Variants in KSR2 observed in about 807,000 individuals in gnomAD.
The protein encoded by KSR2 is kinase suppressor of ras 2.
A neutral mutation model predicts 107.8 loss-of-function variants in KSR2; 25 were observed. The observed-to-expected ratio is 0.23, with a 90% confidence interval of 0.17 to 0.32. KSR2 has a LOEUF of 0.32. Among genes scored for constraint, KSR2 ranks in the 10% least tolerant of loss-of-function variants. KSR2 has a pLI of 1.00. For synonymous variants in KSR2, 480 were observed against 507.0 expected (o/e 0.95, Z 0.71); for missense variants, 887 against 1,268.9 (o/e 0.70, Z 4.57).
intron 14 of KSR2, among the ~76,000 whole-genome samples, chr12:117,494,449 A>G (rs866690198): frequency 6.6e-6 from 1 of 152,178 alleles, no homozygotes. Context: ...TCTGATTTGC[A>G]TTTCTAACAA....
At chr12:117,942,648 C>T (rs990482931) in intron 1 of KSR2, among the ~76,000 whole-genome samples, 1 of 149,696 alleles carries the variant, frequency 6.7e-6, no homozygotes, top group Non-Finnish European at 1.5e-5. Context: ...GCCATCACAC[C>T]TGGCTAAATT....
intron 7 of KSR2, among the ~76,000 whole-genome samples, chr12:117,574,457 G>GC (rs930991785): frequency 6.6e-6 from 1 of 152,134 alleles, no homozygotes; most frequent in African/African-American, 2.4e-5. Context: ...GGCTGGGGAG[G>GC]CCTCATAATC....
intron 5 of KSR2, among the ~76,000 whole-genome samples, chr12:117,656,598 G>A (rs1565946853): frequency 6.6e-6 from 1 of 152,198 alleles, no homozygotes; most frequent in Non-Finnish European, 1.5e-5. Flanking sequence ...TGGGCAACAA[G>A]AGTGAAACTG....
intron 4 of KSR2, among the ~76,000 whole-genome samples, chr12:117,689,597 G>A (rs188747740): frequency 6.6e-6 from 1 of 152,052 alleles, no homozygotes; most frequent in East Asian, 1.9e-4. Context: ...TTGGCCCCGG[G>A]GGGCATGGGT....
Position 117,840,105 on chromosome 12 carries a change from AT to A in KSR2, c.472+15322del, listed in dbSNP as rs71099081. On this transcript the variant is annotated intron_variant, in intron 3 of 19. Coordinates refer to ENST00000339824, the MANE Select transcript of KSR2 (RefSeq NM_173598.6). ...ATTTTATTTTACTTTATTTTATTTT[AT>A]TTTTTTTTTTGAGATGGAGTCTCCC... 2.6e-3 allele frequency among the ~76,000 whole-genome samples: 383 copies of A among 147,076 alleles called. 9 individuals carry two copies. Among genetic ancestry groups the A allele is most frequent in the Non-Finnish European group, 1.1e-3 (76 of 66,702 alleles).
In KSR2 at chr12:117,466,945, G is replaced by T. The variant is rs539095159; in HGVS notation, c.*254C>A. 2 of 435,252 alleles carry T rather than the reference G, an allele frequency of 4.6e-6. No individual in the cohort carries two copies. Among genetic ancestry groups the T allele is most frequent in the Non-Finnish European group, 4.0e-6 (1 of 247,738 alleles). The allele number at this position is 435,252 out of a possible 1,614,324, so 27.0% of individuals were successfully genotyped here. ...TCTCATTAGTGCTGTCCCCTGGGCCGCACTGATCAATAACGCATCACCCTG... is the reference window on the plus strand; with the variant it reads ...TCTCATTAGTGCTGTCCCCTGGGCCTCACTGATCAATAACGCATCACCCTG... On this transcript the variant is annotated 3_prime_UTR_variant, in exon 20 of 20. Coordinates refer to ENST00000339824, the MANE Select transcript of KSR2 (RefSeq NM_173598.6).
intron 16 of KSR2, among the ~76,000 whole-genome samples, chr12:117,479,690 T>C (rs1241618312): frequency 6.6e-6 from 1 of 152,256 alleles, no homozygotes; most frequent in Non-Finnish European, 1.5e-5. Flanking sequence ...TCAGGATTAA[T>C]AGCACATGAC....
chr12:117,637,678 T>TTTTTTTG (rs1883170107), intron 5 of KSR2, among the ~76,000 whole-genome samples: 1 of 82,136 alleles, frequency 1.2e-5, no homozygotes, highest in African/African-American at 5.5e-5. Flanking sequence ...GTTTTGGGTT[T>TTTTTTTG]TTTTTTTTTT....
intron 5 of KSR2, among the ~76,000 whole-genome samples, chr12:117,660,316 G>A (rs532573252): frequency 2.3e-4 from 35 of 152,294 alleles, no homozygotes; most frequent in Admixed American, 4.6e-4. Flanking sequence ...CCAAGATTAA[G>A]GAGGTTCTTG....
chr12:117,759,975 G>T (rs1345296872), intron 4 of KSR2, among the ~76,000 whole-genome samples: 1 of 152,160 alleles, frequency 6.6e-6, no homozygotes. Flanking sequence ...CAGGCGTGGT[G>T]GCACAGGCCT....
At position 117,561,080 on chromosome 12, in the gene KSR2, T is replaced by C. The variant is rs564208987; in HGVS notation, c.1326-2507A>G. Reference sequence around the variant, plus strand: ...TATGTTGATTTTTCATTTATGATAATGAGATACATTTTCATCTTTCAATAA... The same window carrying C: ...TATGTTGATTTTTCATTTATGATAACGAGATACATTTTCATCTTTCAATAA... On this transcript the variant is annotated intron_variant, in intron 7 of 19. Coordinates refer to ENST00000339824, the MANE Select transcript of KSR2 (RefSeq NM_173598.6). Among the ~76,000 whole-genome samples the C allele has an allele frequency of 1.1e-3, 175 of 152,322 alleles. 1 individual carries two copies. Among genetic ancestry groups the C allele is most frequent in the African/African-American group, 3.9e-3 (163 of 41,580 alleles).
chr12:117,922,349 T>A (rs570717749), intron 1 of KSR2, among the ~76,000 whole-genome samples: 1 of 152,174 alleles, frequency 6.6e-6, no homozygotes, highest in Non-Finnish European at 1.5e-5. Flanking sequence ...ATGAGCCCCT[T>A]GGTCAAAGCC....
intron 4 of KSR2, among the ~76,000 whole-genome samples, chr12:117,730,501 C>A (rs674140): frequency 1.3e-5 from 2 of 149,714 alleles, no homozygotes; most frequent in Non-Finnish European, 3.0e-5. Flanking sequence ...TCCCTCTCCC[C>A]CTTCCACGGT....
At chr12:117,494,024 C>T (rs994240962) in intron 14 of KSR2, among the ~76,000 whole-genome samples, 1 of 152,140 alleles carries the variant, frequency 6.6e-6, no homozygotes, top group South Asian at 2.1e-4. Context: ...TCTTTGTCAG[C>T]AGCGTGAAAA....
At chr12:117,643,324 GTAGTCC>G (rs1422287387) in intron 5 of KSR2, among the ~76,000 whole-genome samples, 3 of 152,140 alleles carry the variant, frequency 2.0e-5, no homozygotes, top group Non-Finnish European at 4.4e-5. Flanking sequence ...GCGGGTGCCT[GTAGTCC>G]TAGCTACTCG....
intron 4 of KSR2, among the ~76,000 whole-genome samples, chr12:117,749,855 G>C (rs1282114672): frequency 6.6e-6 from 1 of 152,142 alleles, no homozygotes; most frequent in Non-Finnish European, 1.5e-5. Context: ...GGGTCTTTAA[G>C]AGGATAAGGA....
intron 3 of KSR2, among the ~76,000 whole-genome samples, chr12:117,820,311 G>A (rs1158716116): frequency 1.3e-5 from 2 of 152,130 alleles, no homozygotes; most frequent in African/African-American, 4.8e-5. Flanking sequence ...ATTGACAGGA[G>A]GCGGGGGATG....
At chr12:117,793,755 CCAACATGCACACATG>C (rs1267816546) in intron 3 of KSR2, among the ~76,000 whole-genome samples, 3 of 146,300 alleles carry the variant, frequency 2.1e-5, no homozygotes, top group African/African-American at 5.1e-5. Flanking sequence ...CACATATACA[CCAACATGCACACATG>C]CAACATGCAC....
At chr12:117,792,678 C>T (rs1485490510) in intron 3 of KSR2, among the ~76,000 whole-genome samples, 1 of 152,232 alleles carries the variant, frequency 6.6e-6, no homozygotes, top group African/African-American at 2.4e-5. Context: ...TCATCCTACT[C>T]CCTTTCCCTG....
Sources: allele counts gnomAD v4.1 joint callset (sites outside exome capture counted in the v4.1 genomes callset), GRCh38; gene constraint gnomAD v4.1.1; transcripts MANE v1.5; gene names NCBI Gene and HGNC (gene_info 2026-07-23, HGNC 2026-07-21).